The following MRPS35 variants were observed in gnomAD, a reference collection of about 807,000 sequenced individuals.
MRPS35 encodes mitochondrial ribosomal protein S35.
In MRPS35, 29 loss-of-function variants were observed where a neutral mutation model predicts 32.7. The observed-to-expected ratio is 0.89, with a 90% CI of 0.66 to 1.21. MRPS35 has a LOEUF of 1.21. Ranked by LOEUF, MRPS35 falls within the 50% of genes most tolerant of loss-of-function variation. The pLI is 0.00. For synonymous variants in MRPS35, 148 were observed against 139.3 expected, an observed-to-expected ratio of 1.06 and a Z score of -0.44; for missense variants, 373 against 383.8, an observed-to-expected ratio of 0.97 and a Z score of 0.23.
At chr12:27,721,585 G>C (rs972282463) in intron 4 of MRPS35, among the ~76,000 whole-genome samples, 1 of 152,182 alleles carries the variant, frequency 6.6e-6, no homozygotes, top group Non-Finnish European at 1.5e-5. Context: ...GAACCCAGGA[G>C]ATTGAGGCGG....
chr12:27,735,616 C>T, intron 6 of MRPS35, 60 bp downstream of exon 6: 1 of 1,215,010 alleles, frequency 8.2e-7, no homozygotes, highest in Non-Finnish European at 1.2e-6. Flanking sequence ...CCTCCAATTC[C>T]TTGGCAGTCC....
At chr12:27,731,264 C>T (rs551660182) in intron 5 of MRPS35, among the ~76,000 whole-genome samples, 46 of 152,248 alleles carry the variant, frequency 3.0e-4, no homozygotes, top group Admixed American at 2.6e-3. Flanking sequence ...TCCAAGGAGC[C>T]CTTACTGATG....
intron 4 of MRPS35, among the ~76,000 whole-genome samples, chr12:27,723,391 C>T (rs1373473889): frequency 6.6e-6 from 1 of 152,158 alleles, no homozygotes; most frequent in Admixed American, 6.6e-5. Flanking sequence ...CCCAATCCCA[C>T]TTCCTCTCTA....
chr12:27,726,852 G>C (rs1223135178), intron 5 of MRPS35, among the ~76,000 whole-genome samples: 1 of 151,838 alleles, frequency 6.6e-6, no homozygotes, highest in East Asian at 1.9e-4. Context: ...TGAGTTATAA[G>C]TGTATTTTAT....
intron 3 of MRPS35, among the ~76,000 whole-genome samples, chr12:27,719,261 A>T (rs1051652207): frequency 6.6e-6 from 1 of 152,236 alleles, no homozygotes; most frequent in African/African-American, 2.4e-5. Context: ...CAAAAGATTT[A>T]TATGATCTGA....
At chr12:27,754,749 A>G (rs1036782487) in intron 7 of MRPS35, among the ~76,000 whole-genome samples, 1 of 143,076 alleles carries the variant, frequency 7.0e-6, no homozygotes, top group Non-Finnish European at 1.5e-5. Flanking sequence ...CCTGGGTGAC[A>G]GAGTGAGACC....
At chr12:27,739,510 A>G (rs1158314861) in intron 7 of MRPS35, among the ~76,000 whole-genome samples, 1 of 152,264 alleles carries the variant, frequency 6.6e-6, no homozygotes, top group Non-Finnish European at 1.5e-5. Context: ...AAAGACAAAA[A>G]GTAGCTGGTA....
intron 1 of MRPS35, among the ~76,000 whole-genome samples, chr12:27,712,113 G>A (rs940690419): frequency 1.3e-5 from 2 of 152,082 alleles, no homozygotes; most frequent in African/African-American, 4.8e-5. Flanking sequence ...TCTTTCTGAG[G>A]AAGTGACATT....
intron 5 of MRPS35, among the ~76,000 whole-genome samples, chr12:27,727,136 A>G (rs2061903937): frequency 6.6e-6 from 1 of 151,668 alleles, no homozygotes; most frequent in Non-Finnish European, 1.5e-5. Context: ...AATTTTTTGT[A>G]TTTTTAGTAG....
chr12:27,741,397 G>T (rs1344754075), intron 7 of MRPS35, among the ~76,000 whole-genome samples: 1 of 152,112 alleles, frequency 6.6e-6, no homozygotes, highest in African/African-American at 2.4e-5. Context: ...GGATCAGGGA[G>T]AATTTGTGTA....
At chr12:27,731,064 G>A (rs2061920346) in intron 5 of MRPS35, among the ~76,000 whole-genome samples, 1 of 152,046 alleles carries the variant, frequency 6.6e-6, no homozygotes, top group Non-Finnish European at 1.5e-5. Context: ...TTTACACTAT[G>A]TGTCATAATC....
intron 5 of MRPS35, among the ~76,000 whole-genome samples, chr12:27,726,663 A>T (rs1219751976): frequency 1.3e-5 from 2 of 152,220 alleles, no homozygotes. Flanking sequence ...ACTAATGGTT[A>T]TTACCTGTCC....
Position 27,755,195 on chromosome 12 carries a change from G to C in MRPS35, c.717G>C (p.Trp239Cys). ...TTTTGTTTCAGAATACTGAAGAATG[G>C]GAAAAAAGTAAGACTGAAGCAGACA... ...LYHESWNTEE[W>C]EKSKTEADME... The change falls in exon 8 of 8, where the codon TGG (tryptophan) becomes TGC (cysteine). Residue 239 changes from tryptophan (W) to cysteine (C), a missense_variant. Physicochemically the swap from Trp to Cys is radical, Grantham distance 215. Transcript: ENST00000081029. 1.9e-6 allele frequency: 3 copies of C among 1,543,744 alleles called. No individual in the cohort carries two copies. Among genetic ancestry groups the C allele is most frequent in the Non-Finnish European group, 2.6e-6 (3 of 1,153,120 alleles).
At chr12:27,744,740 G>C (rs544400872) in intron 7 of MRPS35, among the ~76,000 whole-genome samples, 1 of 152,204 alleles carries the variant, frequency 6.6e-6, no homozygotes, top group East Asian at 1.9e-4. Context: ...TGGTTGGCCA[G>C]TAATGGTAAA....
chr12:27,734,779 C>G (rs2061936676), intron 5 of MRPS35, among the ~76,000 whole-genome samples: 1 of 152,104 alleles, frequency 6.6e-6, no homozygotes, highest in Non-Finnish European at 1.5e-5. Flanking sequence ...ATTATCTGTT[C>G]TAAAAAATGC....
intron 6 of MRPS35, 118 bp from the exon 7 acceptor site, chr12:27,737,421 A>G (rs2140772991): frequency 1.4e-6 from 1 of 717,856 alleles, no homozygotes; most frequent in East Asian, 2.7e-5. Flanking sequence ...GTTTTCCTAA[A>G]GCAGAAAAGG....
At chr12:27,739,060 G>A (rs1211593508) in intron 7 of MRPS35, among the ~76,000 whole-genome samples, 1 of 152,104 alleles carries the variant, frequency 6.6e-6, no homozygotes, top group African/African-American at 2.4e-5. Flanking sequence ...CTACCGCCTG[G>A]CTAATTTTTG....
intron 5 of MRPS35, chr12:27,725,805 T>C (rs1479424758): frequency 8.0e-5 from 11 of 138,136 alleles, no homozygotes; most frequent in African/African-American, 2.8e-4. Flanking sequence ...TACCTTTTTT[T>C]TTTTTTTTTT....
At chr12:27,751,993 ACC>A (rs2062006245) in intron 7 of MRPS35, among the ~76,000 whole-genome samples, 2 of 152,086 alleles carry the variant, frequency 1.3e-5, no homozygotes, top group South Asian at 4.2e-4. Context: ...TAATCCCAGC[ACC>A]TTGAGAGGCT....
Sources: gnomAD v4.1 joint callset for allele counts (sites outside exome capture counted in the v4.1 genomes callset) on GRCh38, gnomAD v4.1.1 for gene constraint, MANE v1.5 for transcripts, NCBI Gene and HGNC (gene_info 2026-07-23, HGNC 2026-07-21) for gene names.